The following POU2F2 variants were observed in gnomAD, a reference collection of about 807,000 sequenced individuals.
The protein encoded by POU2F2 is POU domain, class 2, transcription factor 2.
POU2F2 carries 14 observed loss-of-function variants against 63.5 expected under a neutral mutation model. The observed-to-expected ratio is 0.22, with a 90% confidence interval of 0.15 to 0.34. The LOEUF is 0.34. Among genes scored for constraint, POU2F2 ranks in the 10% least tolerant of loss-of-function variants. The pLI is 1.00. For synonymous variants in POU2F2, 306 were observed against 348.6 expected (o/e 0.88, Z 1.36); for missense variants, 607 against 815.2 (o/e 0.74, Z 3.11).
upstream of POU2F2, among the ~76,000 whole-genome samples, chr19:42,180,667 CATA>C (rs1279052028): frequency 6.6e-6 from 1 of 152,140 alleles, no homozygotes; most frequent in Non-Finnish European, 1.5e-5. Context: ...TGACCAAGTA[CATA>C]ATAATTGTGT....
chr19:42,106,357 C>A (rs1208811455), intron 5 of POU2F2, among the ~76,000 whole-genome samples: 4 of 152,138 alleles, frequency 2.6e-5, no homozygotes, highest in African/African-American at 7.2e-5. Flanking sequence ...ATGATCCACC[C>A]ACCTCGTCCT....
upstream of POU2F2, among the ~76,000 whole-genome samples, chr19:42,178,635 CAG>C (rs962679770): frequency 6.6e-6 from 1 of 152,058 alleles, no homozygotes; most frequent in African/African-American, 2.4e-5. Context: ...CCAAAAGATA[CAG>C]AGACTGAGAC....
In POU2F2 at chr19:42,156,784, T is replaced by G. The variant is rs2034465083; in HGVS notation, c.-9+3548A>C. 1 of 152,264 alleles carries G rather than the reference T, an allele frequency of 6.6e-6. No individual in the cohort carries two copies. The highest frequency in any genetic ancestry group is 2.4e-5 in the African/African-American group (1 of 41,446). The allele number at this position is 152,264 out of a possible 1,614,324, so 9.4% of individuals were successfully genotyped here. Reference sequence around the variant, plus strand: ...AGCCCCCCCGCCATACCTACACTCTTGGCCATGGGAGAATGTCCTCATGTG... The same window carrying G: ...AGCCCCCCCGCCATACCTACACTCTGGGCCATGGGAGAATGTCCTCATGTG... On this transcript the variant is annotated intron_variant, in intron 2 of 6. Transcript: ENST00000524801. The surrounding 1 kb of genome is among the most constrained non-coding windows in gnomAD (Gnocchi z 4.1).
chr19:42,148,329 C>T (rs1007793384), intron 2 of POU2F2, among the ~76,000 whole-genome samples: 1 of 152,178 alleles, frequency 6.6e-6, no homozygotes, highest in African/African-American at 2.4e-5. Context: ...CCAAAAAATT[C>T]ATAACTAGTG....
Position 42,117,204 on chromosome 19 carries a change from G to C in POU2F2, c.369+46C>G. On this transcript the variant is annotated intron_variant, in intron 5 of 14. Transcript: ENST00000692977. This position sits in a 1 kb window ranked among gnomAD's most constrained non-coding sequence, Gnocchi z 4.4. ...TCCACTAGCCCTGTAACAGATGAGG[G>C]GTGGCTGGTTTGTCCCCTCGTCCCC... The C allele has an allele frequency of 1.5e-6, 2 of 1,373,906 alleles. No individual in the cohort carries two copies. Among genetic ancestry groups the C allele is most frequent in the Non-Finnish European group, 1.9e-6 (2 of 1,028,156 alleles). The allele number at this position is 1,373,906 out of a possible 1,614,324, so 85.1% of individuals were successfully genotyped here. A position where few individuals can be genotyped will look rare whatever the true frequency, so the allele number is the denominator to read the frequency against.
chr19:42,181,568 A>ATT (rs1410345201), intron 1 of POU2F2, among the ~76,000 whole-genome samples: 4 of 130,838 alleles, frequency 3.1e-5, no homozygotes, highest in African/African-American at 1.2e-4. Context: ...GCGTCTGAAC[A>ATT]TACATTTATT....
At chr19:42,177,137 C>T (rs1480103669), upstream of POU2F2, 1 of 151,468 alleles carries the variant, frequency 6.6e-6, no homozygotes, top group African/African-American at 2.4e-5. Context: ...GGCTGCGCCG[C>T]GCCGCCTTGC....
At chr19:42,193,724 A>G (rs1334567661) in intron 1 of POU2F2, among the ~76,000 whole-genome samples, 3 of 152,240 alleles carry the variant, frequency 2.0e-5, no homozygotes, top group Non-Finnish European at 4.4e-5. Flanking sequence ...AAACCCATGC[A>G]TACGCATACC....
intron 1 of POU2F2, among the ~76,000 whole-genome samples, chr19:42,175,192 T>C (rs973707084): frequency 2.6e-5 from 4 of 152,216 alleles, no homozygotes; most frequent in African/African-American, 7.2e-5. Context: ...GCAGGACTTC[T>C]CCAGGAGGCC....
intron 1 of POU2F2, among the ~76,000 whole-genome samples, chr19:42,122,936 C>A (rs752996848): frequency 6.6e-6 from 1 of 152,166 alleles, no homozygotes; most frequent in Non-Finnish European, 1.5e-5. Flanking sequence ...GGAGGGAGAG[C>A]AGCCTTGGGC....
At chr19:42,179,547 G>A (rs2034936847), upstream of POU2F2, among the ~76,000 whole-genome samples, 1 of 152,024 alleles carries the variant, frequency 6.6e-6, no homozygotes, top group Non-Finnish European at 1.5e-5. Flanking sequence ...GGAAAGGGAG[G>A]AGGAGGAGGA....
In POU2F2 at chr19:42,169,048, G is replaced by A. The variant is rs2034705603; in HGVS notation, c.-70+6915C>T. The stretch of plus-strand genomic sequence containing the variant: ...CACTGTTTCCTCAGCTTCTAAGACA[G>A]GGCCTGACTCCTATAGAGGCTCAGT... On this transcript the variant is annotated intron_variant, in intron 1 of 6. Transcript: ENST00000524801. This position sits in a 1 kb window ranked among gnomAD's most constrained non-coding sequence, Gnocchi z 4.3. Among the ~76,000 whole-genome samples, 1 of 152,200 alleles carries A rather than the reference G, an allele frequency of 6.6e-6. No homozygotes were observed. The highest frequency in any genetic ancestry group is 2.1e-4 in the South Asian group (1 of 4,830).
At chr19:42,121,813 G>A (rs2032646913) in intron 4 of POU2F2, among the ~76,000 whole-genome samples, 1 of 152,184 alleles carries the variant, frequency 6.6e-6, no homozygotes, top group South Asian at 2.1e-4. Context: ...GTATATTGGG[G>A]GACAGGCGGT....
In POU2F2 at chr19:42,091,142, T is replaced by C; in HGVS notation, c.*115A>G. On this transcript the variant is annotated 3_prime_UTR_variant, in exon 15 of 15. Coordinates refer to ENST00000692977, the MANE Select transcript of POU2F2 (RefSeq NM_001394376.1). ...GTTGTTTTTTTGGTCTTTCCTCCCTTGTCACTCCTGCTCTGAGGACCCTCT... is the reference window on the plus strand; with the variant it reads ...GTTGTTTTTTTGGTCTTTCCTCCCTCGTCACTCCTGCTCTGAGGACCCTCT... 3 of 915,884 alleles carry C rather than the reference T, an allele frequency of 3.3e-6. No homozygotes were observed. Among genetic ancestry groups the C allele is most frequent in the Non-Finnish European group, 4.5e-6 (3 of 671,336 alleles). The allele number at this position is 915,884 out of a possible 1,614,324, so 56.7% of individuals were successfully genotyped here. A position where few individuals can be genotyped will look rare whatever the true frequency, so the allele number is the denominator to read the frequency against.
intron 11 of POU2F2, among the ~76,000 whole-genome samples, chr19:42,094,437 C>T (rs79871448): frequency 0.035 from 5,392 of 152,266 alleles, 145 homozygotes; most frequent in Non-Finnish European, 0.054. Context: ...GGCCACCCCA[C>T]CTCCAGTCTC....
chr19:42,093,945 C>T (rs767736992), intron 11 of POU2F2, 50 bp from the exon 12 acceptor site: 1 of 1,532,590 alleles, frequency 6.5e-7, no homozygotes, highest in Non-Finnish European at 9.0e-7. Context: ...GCCAGCAGCC[C>T]CCGTGATGCT....
At chr19:42,139,407 C>T (rs1376909016) in intron 2 of POU2F2, among the ~76,000 whole-genome samples, 2 of 152,176 alleles carry the variant, frequency 1.3e-5, no homozygotes, top group East Asian at 3.8e-4. Context: ...CCCTGAACTC[C>T]CTGGACCTCA....
At chr19:42,171,530 G>A (rs566354085) in intron 1 of POU2F2, among the ~76,000 whole-genome samples, 7 of 151,852 alleles carry the variant, frequency 4.6e-5, no homozygotes, top group African/African-American at 1.2e-4. Context: ...GGGCCATGAG[G>A]GGCCGTGTCT....
rs1212772185 is a variant in POU2F2, at chr19:42,095,215, G to A, written c.1197+71C>T. 1 of 1,506,838 alleles carries A rather than the reference G, an allele frequency of 6.6e-7. No individual in the cohort carries two copies. The highest frequency in any genetic ancestry group is 8.9e-7 in the Non-Finnish European group (1 of 1,122,298). The allele number at this position is 1,506,838 out of a possible 1,614,324, so 93.3% of individuals were successfully genotyped here. On this transcript the variant is annotated intron_variant, in intron 11 of 14. Transcript: ENST00000692977. The surrounding 1 kb of genome is among the most constrained non-coding windows in gnomAD (Gnocchi z 7.1). ...TGTTCTAGGCTCTGTGGACAACCAG[G>A]TAGGGTGGGCTTCACACAGGTGCCT...
Sources: allele counts gnomAD v4.1 joint callset (sites outside exome capture counted in the v4.1 genomes callset), GRCh38; gene constraint gnomAD v4.1.1; non-coding constraint Gnocchi (gnomAD v3.1); transcripts MANE v1.5; gene names NCBI Gene and HGNC (gene_info 2026-07-23, HGNC 2026-07-21).